Variants in ROBO2 observed in about 807,000 individuals in gnomAD.
ROBO2 encodes the protein roundabout guidance receptor 2.
In ROBO2, 53 loss-of-function variants were observed where a neutral mutation model predicts 160.8. That is an observed-to-expected ratio of 0.33 (90% CI 0.26 to 0.41). The LOEUF (loss-of-function observed/expected upper bound fraction) is 0.41, where lower values mean the gene tolerates loss of function less well. Among genes scored for constraint, ROBO2 ranks in the 10% least tolerant of loss-of-function variants. The pLI is 1.00. For synonymous variants in ROBO2, 664 were observed against 611.7 expected (o/e 1.09, Z -1.26); for missense variants, 1,577 against 1,722.4 (o/e 0.92, Z 1.49).
Position 77,228,414 on chromosome 3 carries a change from AACAC to A in ROBO2, c.388+130093_388+130096del, listed in dbSNP as rs55991541. Among the ~76,000 whole-genome samples the A allele has an allele frequency of 3.0e-4, 45 of 148,984 alleles. No individual in the cohort carries two copies. The East Asian group carries it at 6.9e-3, about 23-fold the overall frequency. On this transcript the variant is annotated intron_variant, in intron 2 of 25. Transcript: ENST00000461745. ...AAACAGATATTGTATTACATGCACA[AACAC>A]ACACACACACACACACACCCTTTTT...
chr3:76,863,969 A>T (rs2071090806), intron 2 of ROBO2, among the ~76,000 whole-genome samples: 1 of 152,054 alleles, frequency 6.6e-6, no homozygotes, highest in African/African-American at 2.4e-5. Context: ...CACTGTCATG[A>T]AATATAACTT....
chr3:76,219,516 G>T (rs2107391108), intron 2 of ROBO2, among the ~76,000 whole-genome samples: 1 of 152,202 alleles, frequency 6.6e-6, no homozygotes, highest in East Asian at 1.9e-4. Flanking sequence ...GTGGGCGAAG[G>T]ACATGAACAG....
intron 2 of ROBO2, among the ~76,000 whole-genome samples, chr3:76,489,920 T>G (rs2107505186): frequency 6.6e-6 from 1 of 152,280 alleles, no homozygotes; most frequent in East Asian, 1.9e-4. Flanking sequence ...TTTAAGGTTT[T>G]CAAAATGAAC....
intron 6 of ROBO2, among the ~76,000 whole-genome samples, chr3:77,540,607 A>C (rs2092417582): frequency 6.6e-6 from 1 of 152,158 alleles, no homozygotes; most frequent in Admixed American, 6.5e-5. Context: ...GAGCATCAGG[A>C]AAAAGAGCTA....
chr3:77,332,918 T>A (rs1316971889), intron 2 of ROBO2, among the ~76,000 whole-genome samples: 1 of 152,170 alleles, frequency 6.6e-6, no homozygotes, highest in Non-Finnish European at 1.5e-5. Context: ...TATTACAAAT[T>A]TACCCAGGTA....
intron 2 of ROBO2, among the ~76,000 whole-genome samples, chr3:77,356,567 A>C (rs1477847781): frequency 1.3e-5 from 2 of 152,186 alleles, no homozygotes; most frequent in Non-Finnish European, 2.9e-5. Flanking sequence ...CTATAACAAA[A>C]GGCAGATTAA....
intron 2 of ROBO2, among the ~76,000 whole-genome samples, chr3:76,567,018 TA>T (rs1321598424): frequency 6.6e-6 from 1 of 152,188 alleles, no homozygotes; most frequent in Non-Finnish European, 1.5e-5. Context: ...AGAAAAAGTC[TA>T]AATCAGCTAC....
intron 2 of ROBO2, among the ~76,000 whole-genome samples, chr3:76,909,688 C>A (rs1172675896): frequency 1.3e-5 from 2 of 152,018 alleles, no homozygotes; most frequent in African/African-American, 2.4e-5. Context: ...CTTCTGAAAC[C>A]CTTTCAGTAC....
exon 5 of ROBO2, chr3:77,493,290 G>A: frequency 1.2e-6 from 2 of 1,613,876 alleles, no homozygotes; most frequent in East Asian, 2.2e-5. Flanking sequence ...TGGTACTGGA[G>A]GAAGAAGCTG....
intron 1 of ROBO2, among the ~76,000 whole-genome samples, chr3:75,913,902 A>G (rs1190905235): frequency 6.6e-6 from 1 of 152,150 alleles, no homozygotes; most frequent in African/African-American, 2.4e-5. Flanking sequence ...TTATCTCATG[A>G]GTTATATCTA....
At chr3:76,100,689 T>C (rs2069647277) in intron 2 of ROBO2, among the ~76,000 whole-genome samples, 1 of 152,194 alleles carries the variant, frequency 6.6e-6, no homozygotes, top group African/African-American at 2.4e-5. Context: ...AAGATGACTC[T>C]TTCTAGGGCG....
At chr3:75,957,273 A>C (rs1948755640) in intron 2 of ROBO2, among the ~76,000 whole-genome samples, 1 of 150,938 alleles carries the variant, frequency 6.6e-6, no homozygotes, top group Non-Finnish European at 1.5e-5. Flanking sequence ...ACACATACAC[A>C]CATTAGGTTT....
intron 2 of ROBO2, among the ~76,000 whole-genome samples, chr3:77,189,094 A>G (rs1001096673): frequency 2.0e-5 from 3 of 151,806 alleles, no homozygotes; most frequent in Admixed American, 6.6e-5. Flanking sequence ...TTAAAAAATG[A>G]CTGAGATTAT....
intron 2 of ROBO2, among the ~76,000 whole-genome samples, chr3:76,638,882 G>T (rs1360693997): frequency 6.6e-6 from 1 of 152,124 alleles, no homozygotes; most frequent in African/African-American, 2.4e-5. Flanking sequence ...CTTTAGACTT[G>T]AAAGTAGACG....
chr3:76,175,830 A>C (rs2073208521), intron 2 of ROBO2, among the ~76,000 whole-genome samples: 1 of 152,182 alleles, frequency 6.6e-6, no homozygotes. Context: ...GGCCAGGAAA[A>C]CATTACTTTT....
At chr3:77,249,899 G>GT (rs201721961) in intron 2 of ROBO2, among the ~76,000 whole-genome samples, 45 of 147,722 alleles carry the variant, frequency 3.0e-4, no homozygotes, top group Middle Eastern at 7.1e-3. Context: ...GATTTAATGG[G>GT]TTTTTTTTTT....
chr3:76,689,186 A>C (rs569642317), intron 2 of ROBO2, among the ~76,000 whole-genome samples: 53 of 152,230 alleles, frequency 3.5e-4, no homozygotes, highest in African/African-American at 1.1e-3. Context: ...ATTATGTTTC[A>C]GAAATATATA....
intron 2 of ROBO2, among the ~76,000 whole-genome samples, chr3:76,061,801 C>A (rs1233901823): frequency 6.6e-6 from 1 of 152,112 alleles, no homozygotes; most frequent in African/African-American, 2.4e-5. Flanking sequence ...GGGCTCAAAT[C>A]AAGGTATCAG....
chr3:76,114,407 TA>T (rs1206767576), intron 2 of ROBO2, among the ~76,000 whole-genome samples: 1 of 152,066 alleles, frequency 6.6e-6, no homozygotes, highest in Non-Finnish European at 1.5e-5. Context: ...AAACTCTCAA[TA>T]AAGGAGTAAT....
Sources: allele counts gnomAD v4.1 joint callset (sites outside exome capture counted in the v4.1 genomes callset), GRCh38; gene constraint gnomAD v4.1.1; transcripts MANE v1.5; gene names NCBI Gene and HGNC (gene_info 2026-07-23, HGNC 2026-07-21).